Variants in CPAMD8 observed in about 807,000 individuals in gnomAD.
The protein encoded by CPAMD8 is C3 and PZP-like alpha-2-macroglobulin domain-containing protein 8.
Under a neutral mutation model 224.7 loss-of-function variants are expected in CPAMD8, and 146 were observed. The ratio of observed to expected loss-of-function variants is 0.65; its 90% CI spans 0.57 to 0.75. The LOEUF (loss-of-function observed/expected upper bound fraction) is 0.75, where lower values mean the gene tolerates loss of function less well. Ranked by LOEUF, CPAMD8 falls within the 30% of genes least tolerant of loss-of-function variation. The pLI, the probability that CPAMD8 is intolerant of heterozygous loss-of-function variation, is 0.00. For synonymous variants in CPAMD8, 966 were observed against 1,044.6 expected (o/e 0.92, Z 1.45); for missense variants, 2,301 against 2,537.5 (o/e 0.91, Z 2.00).
chr19:17,002,347 A>G lies in CPAMD8; in HGVS notation c.677T>C (p.Leu226Ser). 3 of 1,603,276 alleles carry G rather than the reference A, an allele frequency of 1.9e-6. No homozygotes were observed. Among genetic ancestry groups the G allele is most frequent in the Non-Finnish European group, 2.6e-6 (3 of 1,173,414 alleles). The change falls in exon 9 of 42, where the codon TTG (leucine) becomes TCG (serine). Residue 226 changes from leucine to serine, a missense_variant. Leu to Ser is a moderately radical substitution (Grantham distance 145, BLOSUM62 -2). This residue lies in a region of CPAMD8 where 283 missense variants were observed against 340.6 expected (regional missense o/e 0.83). Transcript: ENST00000443236. ...NKSFEVQKYV[L>S]PKFELLIDPP... The stretch of plus-strand genomic sequence containing the variant: ...GTCAATCAGAAGCTCAAACTTGGGC[A>G]ACACTGAAGAAAGCAAGCAGAGAGG...
intron 41 of CPAMD8, chr19:16,895,927 ACG>A (rs60471698): frequency 1.2e-5 from 7 of 581,616 alleles, no homozygotes; most frequent in East Asian, 3.4e-5. Flanking sequence ...ACACACACAC[ACG>A]CGCGCGTGCG....
chr19:16,983,573 A>T (rs1246492081), intron 13 of CPAMD8, among the ~76,000 whole-genome samples: 1 of 152,144 alleles, frequency 6.6e-6, no homozygotes, highest in African/African-American at 2.4e-5. Context: ...GAAAAAGAAG[A>T]ATGTCAAGGT....
chr19:17,011,327 C>T (rs573148897), intron 5 of CPAMD8, 137 bp downstream of exon 5: 25 of 996,954 alleles, frequency 2.5e-5, no homozygotes, highest in Middle Eastern at 3.2e-4. Context: ...TGGGGTTCTC[C>T]GGGGGACATG....
chr19:16,934,853 T>A (rs530636819), intron 23 of CPAMD8, among the ~76,000 whole-genome samples: 1 of 152,042 alleles, frequency 6.6e-6, no homozygotes, highest in African/African-American at 2.4e-5. Context: ...CAGGGTAGAG[T>A]TCAATGGCAT....
At chr19:16,967,893 G>GTGTATATATGTGCATATATACACACA (rs2054899388) in intron 18 of CPAMD8, among the ~76,000 whole-genome samples, 1 of 43,310 alleles carries the variant, frequency 2.3e-5, no homozygotes, top group African/African-American at 8.0e-5. Flanking sequence ...ACACACACAT[G>GTGTATATATGTGCATATATACACACA]TGTGTGTATA....
At chr19:17,006,806 G>A (rs551164272) in intron 7 of CPAMD8, among the ~76,000 whole-genome samples, 22 of 152,206 alleles carry the variant, frequency 1.4e-4, no homozygotes, top group South Asian at 4.2e-4. Context: ...TGCCACCCCG[G>A]GCTGGGATAG....
At chr19:16,902,244 A>AG (rs1404694582) in intron 35 of CPAMD8, among the ~76,000 whole-genome samples, 1 of 151,632 alleles carries the variant, frequency 6.6e-6, no homozygotes, top group Non-Finnish European at 1.5e-5. Context: ...TGGCTGGGCG[A>AG]GGTGGCTCAC....
intron 32 of CPAMD8, 47 bp downstream of exon 32, chr19:16,904,179 C>T: frequency 1.8e-6 from 1 of 550,400 alleles, no homozygotes; most frequent in Non-Finnish European, 3.4e-6. Context: ...TGCAGGGACC[C>T]CACCCACCCA....
At chr19:16,895,963 G>A (rs550272824) in intron 41 of CPAMD8, 22 of 693,248 alleles carry the variant, frequency 3.2e-5, no homozygotes, top group Non-Finnish European at 1.0e-5. Context: ...GTTCGCTGGT[G>A]GGTGTTGCGT....
intron 17 of CPAMD8, among the ~76,000 whole-genome samples, chr19:16,972,098 A>G (rs2055083204): frequency 6.6e-6 from 1 of 152,096 alleles, no homozygotes; most frequent in Non-Finnish European, 1.5e-5. Flanking sequence ...AGAGCAGGGG[A>G]GGAAATCAGT....
At chr19:16,948,045 T>C (rs1341759385) in intron 20 of CPAMD8, among the ~76,000 whole-genome samples, 1 of 152,192 alleles carries the variant, frequency 6.6e-6, no homozygotes, top group South Asian at 2.1e-4. Context: ...CACATACTGG[T>C]CTCTGTGTGC....
chr19:16,970,858 T>A, intron 18 of CPAMD8, 33 bp downstream of exon 18: 2 of 1,607,134 alleles, frequency 1.2e-6, no homozygotes, highest in East Asian at 2.2e-5. Flanking sequence ...AGGACCAGGG[T>A]TAGAAAACCT....
In CPAMD8 at chr19:16,929,091, C is replaced by CGATCAT. The variant is rs755941936; in HGVS notation, c.2989_2994dup (p.Met997_Ile998dup). The CGATCAT allele has an allele frequency of 1.2e-6, 2 of 1,614,104 alleles. No homozygotes were observed. Among genetic ancestry groups the CGATCAT allele is most frequent in the East Asian group, 4.5e-5 (2 of 44,884 alleles). On this transcript the variant is annotated inframe_insertion, in exon 24 of 42. Coordinates refer to ENST00000443236, the MANE Select transcript of CPAMD8 (RefSeq NM_015692.5). Reference sequence around the variant, plus strand: ...TTCTGATGCCCCCCCAGGACGATCTCGATCATGCCTGCTGTGTCCTGGGGC... The same window carrying CGATCAT: ...TTCTGATGCCCCCCCAGGACGATCTCGATCATGATCATGCCTGCTGTGTCCTGGGGC...
At chr19:17,021,543 C>G (rs2056957700) in intron 2 of CPAMD8, among the ~76,000 whole-genome samples, 1 of 152,226 alleles carries the variant, frequency 6.6e-6, no homozygotes, top group African/African-American at 2.4e-5. Context: ...CATTCACTAT[C>G]TTGACCAGGA....
Position 16,938,444 on chromosome 19 carries a change from C to T in CPAMD8, c.2796G>A (p.Ala932=), listed in dbSNP as rs61745104. Residue 932 remains alanine (A), a splice_region_variant and synonymous_variant, in exon 23 of 42, where the codon GCG becomes GCA. Coordinates refer to ENST00000443236, the MANE Select transcript of CPAMD8 (RefSeq NM_015692.5). ...AGGTGTACGCCCGGGGGACTCCTTC[C>T]GCCTGAAACAAAGAAACAAGGAGAA... ...DHVRRSVMVE[A]EGVPRAYTYS... 13,482 of 1,574,418 alleles carry T rather than the reference C, an allele frequency of 8.6e-3. 115 individuals are homozygous for T. Among genetic ancestry groups the T allele is most frequent in the African/African-American group, 0.029 (2,085 of 72,062 alleles).
At chr19:16,974,193 G>A (rs535433178) in intron 17 of CPAMD8, among the ~76,000 whole-genome samples, 5 of 151,610 alleles carry the variant, frequency 3.3e-5, no homozygotes, top group South Asian at 2.1e-4. Context: ...GTGCAGTGGC[G>A]CAATCTTGGC....
chr19:17,008,611 G>T, intron 6 of CPAMD8, 52 bp from the exon 7 acceptor site: 1 of 1,580,112 alleles, frequency 6.3e-7, no homozygotes, highest in Non-Finnish European at 8.7e-7. Flanking sequence ...GGCTAGCCTA[G>T]CATGTGCCCA....
intron 32 of CPAMD8, 50 bp downstream of exon 32, chr19:16,904,176 A>AGGGCCCCCCCCCCCCCCCCCCCCCCCC: frequency 5.3e-6 from 5 of 937,330 alleles, no homozygotes; most frequent in Non-Finnish European, 6.7e-6. Flanking sequence ...GACTGCAGGG[A>AGGGCCCCCCCCCCCCCCCCCCCCCCCC]CCCCACCCAC....
intron 29 of CPAMD8, among the ~76,000 whole-genome samples, chr19:16,908,373 A>C (rs1043285392): frequency 6.6e-6 from 1 of 151,540 alleles, no homozygotes; most frequent in Admixed American, 6.6e-5. Flanking sequence ...AAAAAAAAAA[A>C]AAATAATAGA....
Sources: gnomAD v4.1 joint callset for allele counts (sites outside exome capture counted in the v4.1 genomes callset) on GRCh38, gnomAD v4.1.1 for gene constraint, gnomAD v4.1.1 regional missense constraint, MANE v1.5 for transcripts, NCBI Gene and HGNC (gene_info 2026-07-23, HGNC 2026-07-21) for gene names.